ERGIC2: variants seen among roughly 807,000 people sequenced by gnomAD.
ERGIC2 encodes ERGIC and golgi 2.
ERGIC2 carries 31 observed loss-of-function variants against 52.5 expected under a neutral mutation model. The ratio of observed to expected loss-of-function variants is 0.59; its 90% CI spans 0.44 to 0.80. ERGIC2 has a LOEUF of 0.80. Ranked by LOEUF, ERGIC2 falls within the 30% of genes least tolerant of loss-of-function variation. The probability of loss-of-function intolerance (pLI) is 0.00; values close to 1 mark genes in which losing one functional copy is unlikely to be tolerated. For synonymous variants in ERGIC2, 129 were observed against 140.6 expected (o/e 0.92, Z 0.58); for missense variants, 395 against 455.2 (o/e 0.87, Z 1.20).
chr12:29,380,341 A>T (rs935055208), intron 1 of ERGIC2, among the ~76,000 whole-genome samples: 2 of 152,156 alleles, frequency 1.3e-5, no homozygotes, highest in African/African-American at 4.8e-5. Flanking sequence ...CCTGTTTTTA[A>T]CTGTAACTTT....
At chr12:29,379,242 C>T (rs146466653) in intron 1 of ERGIC2, among the ~76,000 whole-genome samples, 3 of 151,990 alleles carry the variant, frequency 2.0e-5, no homozygotes, top group Non-Finnish European at 4.4e-5. Context: ...AGGTCAGGGA[C>T]ACATGAAATA....
rs377371261 is a variant in ERGIC2, at chr12:29,356,426, T to C, written c.528A>G (p.Leu176=). 77 of 1,604,108 alleles carry C rather than the reference T, an allele frequency of 4.8e-5. No homozygotes were observed. Among genetic ancestry groups the C allele is most frequent in the African/African-American group, 4.7e-4 (35 of 74,676 alleles). Residue 176 remains leucine (L), a synonymous_variant, in exon 8 of 14, where the codon CTA becomes CTG. Transcript: ENST00000360150. ...AATTCCCTGCTACTTTATTGACATA[T>C]AGATGGCCATGAATTCTGCATGCAT... The part of the protein sequence containing the change: ...SPNACRIHGH[L]YVNKVAGNFH...
At chr12:29,358,948 C>T (rs1191798486) in intron 6 of ERGIC2, among the ~76,000 whole-genome samples, 1 of 151,848 alleles carries the variant, frequency 6.6e-6, no homozygotes, top group African/African-American at 2.4e-5. Context: ...AAGTAGAAAC[C>T]AGAAAGGTTC....
intron 4 of ERGIC2, 63 bp downstream of exon 4, chr12:29,368,178 T>C (rs1014650413): frequency 1.0e-6 from 1 of 1,003,582 alleles, no homozygotes; most frequent in Non-Finnish European, 1.6e-6. Context: ...ATTTTTATTT[T>C]TGCTTGGCAA....
chr12:29,373,803 G>A (rs1940476573), intron 1 of ERGIC2, among the ~76,000 whole-genome samples: 1 of 152,094 alleles, frequency 6.6e-6, no homozygotes, highest in Non-Finnish European at 1.5e-5. Flanking sequence ...CAAAACAGAT[G>A]ACAGTTTTCT....
At chr12:29,353,065 T>C (rs1940154769) in intron 8 of ERGIC2, among the ~76,000 whole-genome samples, 1 of 152,198 alleles carries the variant, frequency 6.6e-6, no homozygotes, top group Non-Finnish European at 1.5e-5. Flanking sequence ...TATGCCCTAG[T>C]AGGTCTAAAC....
In ERGIC2 at chr12:29,350,182, A is replaced by G. The variant is rs1008930639; in HGVS notation, c.573-114T>C. On this transcript the variant is annotated intron_variant, in intron 8 of 13. Transcript: ENST00000360150. ...AATTTTTCTTAGTACAAAATAACATAAGAATGCATTTGGCCTATTGACTGA... is the reference window on the plus strand; with the variant it reads ...AATTTTTCTTAGTACAAAATAACATGAGAATGCATTTGGCCTATTGACTGA... 5 of 645,198 alleles carry G rather than the reference A, an allele frequency of 7.7e-6. No homozygotes were observed. In the African/African-American group the frequency reaches 9.3e-5, roughly 12 times the overall value. 40.0% of individuals were successfully genotyped at this position (645,198 alleles called of 1,614,324 possible).
Position 29,380,921 on chromosome 12 carries a change from C to T in ERGIC2, c.-38+194G>A, listed in dbSNP as rs141986847. ...GGCAAAGGGAAGCTCCCAGTAGCATCGTTGCCTAGGGTCCTGCCAGTAACG... is the reference window on the plus strand; with the variant it reads ...GGCAAAGGGAAGCTCCCAGTAGCATTGTTGCCTAGGGTCCTGCCAGTAACG... On this transcript the variant is annotated intron_variant, in intron 1 of 13. Transcript: ENST00000360150. 1,264 of 152,396 alleles carry T rather than the reference C, an allele frequency of 8.3e-3. 7 individuals are homozygous for T. The highest frequency in any genetic ancestry group is 0.027 in the Middle Eastern group (8 of 296). The allele number at this position is 152,396 out of a possible 1,614,324, so 9.4% of individuals were successfully genotyped here. A position where few individuals can be genotyped will look rare whatever the true frequency, so the allele number is the denominator to read the frequency against.
At chr12:29,379,340 G>A (rs746342519) in intron 1 of ERGIC2, among the ~76,000 whole-genome samples, 23 of 151,888 alleles carry the variant, frequency 1.5e-4, no homozygotes, top group Admixed American at 9.8e-4. Context: ...ACACTACAAC[G>A]TGACTATATA....
At chr12:29,343,636 T>G (rs894454530) in intron 11 of ERGIC2, among the ~76,000 whole-genome samples, 3 of 152,142 alleles carry the variant, frequency 2.0e-5, no homozygotes, top group Non-Finnish European at 4.4e-5. Context: ...AATAATGAGG[T>G]TAACTACTAC....
intron 3 of ERGIC2, among the ~76,000 whole-genome samples, chr12:29,369,739 C>T (rs1372889538): frequency 2.0e-5 from 3 of 151,922 alleles, no homozygotes; most frequent in Non-Finnish European, 4.4e-5. Flanking sequence ...AATTTATAGA[C>T]ATCAAGTCAT....
chr12:29,345,490 T>C lies in ERGIC2; in HGVS notation c.778A>G (p.Thr260Ala). 1.9e-6 allele frequency: 3 copies of C among 1,606,090 alleles called. No individual in the cohort carries two copies. The highest frequency in any genetic ancestry group is 2.6e-6 in the Non-Finnish European group (3 of 1,174,390). ...FITVVPTKLH[T>A]YKISADTHQF... ...TGGGTGTCTGCTGATATTTTATATG[T>C]ATGTAGTTTTGTTGGCACAACTGTA... is the stretch of plus-strand genomic sequence containing the variant. The change falls in exon 11 of 14, where the codon ACA becomes GCA. Residue 260 changes from threonine (T) to alanine (A), a missense_variant. Transcript: ENST00000360150.
chr12:29,365,627 C>T (rs1476870202), intron 5 of ERGIC2, among the ~76,000 whole-genome samples: 1 of 150,284 alleles, frequency 6.7e-6, no homozygotes, highest in Non-Finnish European at 1.5e-5. Context: ...AAAAACAGTC[C>T]CTCTTCAAAA....
At chr12:29,361,065 G>A (rs1270546853) in intron 6 of ERGIC2, among the ~76,000 whole-genome samples, 1 of 152,122 alleles carries the variant, frequency 6.6e-6, no homozygotes, top group African/African-American at 2.4e-5. Flanking sequence ...TAGTCAACAT[G>A]GTGAAACCCT....
rs758819945 is a variant in ERGIC2 at position 29,368,328 on chromosome 12, T to C, written c.216-41A>G. 6.2e-5 allele frequency: 64 copies of C among 1,027,164 alleles called. 1 individual carries two copies. The Middle Eastern group carries it at 6.5e-4, about 10-fold the overall frequency. The allele number at this position is 1,027,164 out of a possible 1,614,324, so 63.6% of individuals were successfully genotyped here. ...TTAAACATTAGTACCTACCAATTAA[T>C]TAGCAAAACATGAGAAATATAAATC... On this transcript the variant is annotated intron_variant, in intron 3 of 13. Coordinates refer to ENST00000360150, the MANE Select transcript of ERGIC2 (RefSeq NM_016570.3).
intron 12 of ERGIC2, among the ~76,000 whole-genome samples, chr12:29,342,706 A>T (rs989377191): frequency 1.3e-5 from 2 of 152,218 alleles, no homozygotes; most frequent in Non-Finnish European, 2.9e-5. Context: ...GTACAGTTAA[A>T]AATGTCTTAA....
chr12:29,373,791 G>T (rs1318292122), intron 1 of ERGIC2, among the ~76,000 whole-genome samples: 1 of 152,030 alleles, frequency 6.6e-6, no homozygotes, highest in Non-Finnish European at 1.5e-5. Context: ...AGATGTCATA[G>T]ACAAAACAGA....
chr12:29,356,624 T>C (rs1194019614), intron 7 of ERGIC2, 147 bp from the exon 8 acceptor site: 1 of 479,686 alleles, frequency 2.1e-6, no homozygotes, highest in African/African-American at 2.0e-5. Context: ...TCCTGAAGTC[T>C]AGACATTTAT....
chr12:29,354,363 A>C (rs960366431), intron 8 of ERGIC2, among the ~76,000 whole-genome samples: 1 of 152,214 alleles, frequency 6.6e-6, no homozygotes, highest in Non-Finnish European at 1.5e-5. Flanking sequence ...ATGATATCTG[A>C]GTAGCCAATA....
Sources: gnomAD v4.1 joint callset for allele counts (sites outside exome capture counted in the v4.1 genomes callset) on GRCh38, gnomAD v4.1.1 for gene constraint, MANE v1.5 for transcripts, NCBI Gene and HGNC (gene_info 2026-07-23, HGNC 2026-07-21) for gene names.